Variants in CEMIP observed in about 807,000 individuals in gnomAD.
CEMIP encodes the protein cell migration inducing hyaluronidase 1, also known as cell migration-inducing and hyaluronan-binding protein.
CEMIP carries 105 observed loss-of-function variants against 156.9 expected under a neutral mutation model. The ratio of observed to expected loss-of-function variants is 0.67; its 90% confidence interval spans 0.57 to 0.79. The LOEUF is 0.79. Among genes scored for constraint, CEMIP ranks in the 30% least tolerant of loss-of-function variants. The pLI is 0.00. For missense variants in CEMIP, 1,457 were observed against 1,769.4 expected (o/e 0.82, Z 3.17); for synonymous variants, 676 against 668.4 (o/e 1.01, Z -0.17).
At chr15:80,863,215 A>G (rs79993829) in intron 1 of CEMIP, among the ~76,000 whole-genome samples, 2 of 152,220 alleles carry the variant, frequency 1.3e-5, no homozygotes, top group East Asian at 3.8e-4. Flanking sequence ...TGTATTTTTT[A>G]AAAAATCTGC....
chr15:80,911,962 AAGGCTGGGAGAGCTGGGAG>A (rs1301123149), intron 14 of CEMIP, among the ~76,000 whole-genome samples: 9 of 100,348 alleles, frequency 9.0e-5, no homozygotes, highest in East Asian at 8.2e-4. Context: ...ATTGCTGGGA[AAGGCTGGGAGAGCTGGGAG>A]AGGCTGGGAG....
At chr15:80,863,586 AGGGGAGGTAGAAATTATTTTATTTTGT>A (rs1555431104) in intron 1 of CEMIP, among the ~76,000 whole-genome samples, 1 of 152,202 alleles carries the variant, frequency 6.6e-6, no homozygotes, top group Non-Finnish European at 1.5e-5. Context: ...AGAACCCTCT[AGGGGAGGTAGAAATTATTTTATTTTGT>A]AATTAAAACA....
chr15:80,806,642 A>G (rs118109699), intron 1 of CEMIP, among the ~76,000 whole-genome samples: 3,308 of 152,278 alleles, frequency 0.022, 56 homozygotes, highest in Non-Finnish European at 0.034. Flanking sequence ...GCTCCCCTGG[A>G]CAGCTGATTG....
chr15:80,895,162 CT>C, intron 11 of CEMIP, 40 bp downstream of exon 11: 1 of 1,613,570 alleles, frequency 6.2e-7, no homozygotes, highest in South Asian at 1.1e-5. Context: ...GCAACTATGG[CT>C]CGGTTCCTTG....
chr15:80,846,456 C>T (rs770815272), intron 1 of CEMIP, among the ~76,000 whole-genome samples: 5 of 152,176 alleles, frequency 3.3e-5, no homozygotes, highest in Non-Finnish European at 7.3e-5. Context: ...CACTAATCAT[C>T]GTTGTAGGTC....
At position 80,853,142 on chromosome 15, in the gene CEMIP, G is replaced by A. The variant is rs147701535; in HGVS notation, c.-175-20396G>A. ...GTTTGTTGTGGCTGAGAGTTCCAAT[G>A]CCCATTTAAGACCCTGGGAGAAAAA... On this transcript the variant is annotated intron_variant, in intron 1 of 29. Transcript: ENST00000394685. 6.2e-4 allele frequency among the ~76,000 whole-genome samples: 95 copies of A among 152,318 alleles called. No individual in the cohort carries two copies. In the South Asian group the frequency reaches 7.9e-3, roughly 13 times the overall value.
intron 1 of CEMIP, among the ~76,000 whole-genome samples, chr15:80,786,549 T>A (rs896149990): frequency 3.0e-5 from 4 of 131,238 alleles, no homozygotes; most frequent in African/African-American, 1.1e-4. Flanking sequence ...ATATTCTGGA[T>A]GTCTTGCTGT....
intron 12 of CEMIP, among the ~76,000 whole-genome samples, chr15:80,904,472 T>A (rs946578094): frequency 6.6e-6 from 1 of 152,218 alleles, no homozygotes; most frequent in Non-Finnish European, 1.5e-5. Flanking sequence ...TCAGTACCCA[T>A]GAATGTTAGC....
At position 80,934,765 on chromosome 15, in the gene CEMIP, G is replaced by A. The variant is rs150341841; in HGVS notation, c.3009+1305G>A. ...AGGGTGCAGCTGGTGGGGGTCAGGTGCCAGAGTAGGTGGCAGGGCTAGCAT... is the reference window on the plus strand; with the variant it reads ...AGGGTGCAGCTGGTGGGGGTCAGGTACCAGAGTAGGTGGCAGGGCTAGCAT... On this transcript the variant is annotated intron_variant, in intron 23 of 29. Coordinates refer to ENST00000394685, the MANE Select transcript of CEMIP (RefSeq NM_001293298.2). Among the ~76,000 whole-genome samples the A allele has an allele frequency of 1.1e-3, 166 of 152,288 alleles. No homozygotes were observed. In the East Asian group the frequency reaches 0.025, roughly 23 times the overall value.
Position 80,950,910 on chromosome 15 carries a change from C to G in CEMIP, c.*1986C>G, listed in dbSNP as rs924051689. On this transcript the variant is annotated 3_prime_UTR_variant, in exon 30 of 30. Coordinates refer to ENST00000394685, the MANE Select transcript of CEMIP (RefSeq NM_001293298.2). ...AAGAGGGCCTGCCTGGCTCCCTCCACCCAACTGCACCCATGAGACTCGGTC... is the reference window on the plus strand; with the variant it reads ...AAGAGGGCCTGCCTGGCTCCCTCCAGCCAACTGCACCCATGAGACTCGGTC... The G allele has an allele frequency of 6.5e-6, 1 of 152,758 alleles. No homozygotes were observed. The allele number at this position is 152,758 out of a possible 1,614,324, so 9.5% of individuals were successfully genotyped here. A position where few individuals can be genotyped will look rare whatever the true frequency, so the allele number is the denominator to read the frequency against.
chr15:80,902,739 C>T lies in CEMIP; in HGVS notation c.1412-3924C>T, dbSNP rs114704213. Among the ~76,000 whole-genome samples, 568 of 152,282 alleles carry T rather than the reference C, an allele frequency of 3.7e-3. 7 individuals are homozygous for T. Among genetic ancestry groups the T allele is most frequent in the African/African-American group, 0.013 (546 of 41,550 alleles). On this transcript the variant is annotated intron_variant, in intron 12 of 29. Transcript: ENST00000394685. ...CCTACACCCTGCCCAACTTCTCCTACGGAACAAAGAAAGATGCCAAATTTG... is the reference window on the plus strand; with the variant it reads ...CCTACACCCTGCCCAACTTCTCCTATGGAACAAAGAAAGATGCCAAATTTG...
At chr15:80,830,244 T>G (rs1897130421) in intron 1 of CEMIP, among the ~76,000 whole-genome samples, 2 of 152,222 alleles carry the variant, frequency 1.3e-5, no homozygotes, top group Admixed American at 1.3e-4. Flanking sequence ...GTAATTTACT[T>G]TTTTTCATAT....
intron 1 of CEMIP, among the ~76,000 whole-genome samples, chr15:80,817,130 G>T (rs1055061548): frequency 6.6e-6 from 1 of 152,106 alleles, no homozygotes; most frequent in African/African-American, 2.4e-5. Context: ...CGATACCTTG[G>T]CTGATGTAAT....
rs1395925 is a variant in CEMIP, at chr15:80,869,630, G to T, written c.-175-3908G>T. Among the ~76,000 whole-genome samples the T allele has an allele frequency of 5.8e-3, 877 of 152,278 alleles. 14 individuals are homozygous for T. The highest frequency in any genetic ancestry group is 0.016 in the African/African-American group (678 of 41,554). ...TAGCAGCTTGCCATTTGGGAGTATA[G>T]TTCCTTGTGTACTTGCCTCTCTTTC... On this transcript the variant is annotated intron_variant, in intron 1 of 29. Coordinates refer to ENST00000394685, the MANE Select transcript of CEMIP (RefSeq NM_001293298.2).
At position 80,856,203 on chromosome 15, in the gene CEMIP, ACATATGCATTTGT is replaced by A. The variant is rs539601846; in HGVS notation, c.-175-17332_-175-17320del. ...ATTCCTGGGGATCTGGGTTTCAGAG[ACATATGCATTTGT>A]CAAAACTCAACAAGTGTGCATTTTA... On this transcript the variant is annotated intron_variant, in intron 1 of 29. Coordinates refer to ENST00000394685, the MANE Select transcript of CEMIP (RefSeq NM_001293298.2). 2.0e-5 allele frequency among the ~76,000 whole-genome samples: 3 copies of A among 152,354 alleles called. No individual in the cohort carries two copies. In the South Asian group the frequency reaches 6.2e-4, roughly 32 times the overall value.
At chr15:80,794,186 T>G (rs1896156728) in intron 1 of CEMIP, among the ~76,000 whole-genome samples, 1 of 152,206 alleles carries the variant, frequency 6.6e-6, no homozygotes, top group African/African-American at 2.4e-5. Context: ...GGGTTGTAGC[T>G]TGTTCCAAAT....
intron 1 of CEMIP, among the ~76,000 whole-genome samples, chr15:80,853,619 G>A (rs1455364247): frequency 2.0e-5 from 3 of 152,154 alleles, no homozygotes; most frequent in Admixed American, 2.0e-4. Flanking sequence ...ATAGTAAGAG[G>A]TAGGACTACT....
rs569189587 is a variant in CEMIP at position 80,912,916 on chromosome 15, T to C, written c.1797+3610T>C. Among the ~76,000 whole-genome samples, 3 of 152,270 alleles carry C rather than the reference T, an allele frequency of 2.0e-5. No homozygotes were observed. The East Asian group carries it at 5.8e-4, about 29-fold the overall frequency. ...TACAGACAAAGACGAGATCCTGATT[T>C]GGAATGCAGAGGCCACTCAGTAGCA... On this transcript the variant is annotated intron_variant, in intron 14 of 29. Transcript: ENST00000394685.
At chr15:80,872,914 C>T (rs989693521) in intron 1 of CEMIP, among the ~76,000 whole-genome samples, 4 of 152,180 alleles carry the variant, frequency 2.6e-5, no homozygotes, top group African/African-American at 9.7e-5. Flanking sequence ...GGGTCAGGGC[C>T]TAAGTTTTCT....
Sources: gnomAD v4.1 joint callset for allele counts (sites outside exome capture counted in the v4.1 genomes callset) on GRCh38, gnomAD v4.1.1 for gene constraint, MANE v1.5 for transcripts, NCBI Gene and HGNC (gene_info 2026-07-23, HGNC 2026-07-21) for gene names.